Variants in MYBL2 observed in about 807,000 individuals in gnomAD.
MYBL2 encodes MYB proto-oncogene like 2, also known as myb-related protein B.
In MYBL2, 28 loss-of-function variants were observed where a neutral mutation model predicts 79.9. That is an observed-to-expected ratio of 0.35 (90% confidence interval 0.26 to 0.48). The LOEUF (loss-of-function observed/expected upper bound fraction) is 0.48. Among genes scored for constraint, MYBL2 ranks in the 20% least tolerant of loss-of-function variants. MYBL2 has a pLI of 0.99. For synonymous variants in MYBL2, 378 were observed against 361.2 expected (o/e 1.05, Z -0.53); for missense variants, 735 against 893.9 (o/e 0.82, Z 2.27).
At chr20:43,709,775 C>T (rs2145734072) in intron 9 of MYBL2, among the ~76,000 whole-genome samples, 188 bp from the exon 10 acceptor site, 1 of 152,340 alleles carries the variant, frequency 6.6e-6, no homozygotes, top group South Asian at 2.1e-4. Flanking sequence ...CCTGGCCCCT[C>T]TTAGACTCCC....
intron 2 of MYBL2, among the ~76,000 whole-genome samples, chr20:43,677,233 T>A (rs541106311): frequency 1.3e-5 from 2 of 152,212 alleles, no homozygotes; most frequent in Admixed American, 1.3e-4. Flanking sequence ...GATTTCTCTC[T>A]GGAATGGAGA....
chr20:43,673,738 T>C, intron 1 of MYBL2, 68 bp from the exon 2 acceptor site: 1 of 1,506,224 alleles, frequency 6.6e-7, no homozygotes, highest in Non-Finnish European at 9.2e-7. Flanking sequence ...GGCCGCTGCC[T>C]ACACGTTCTC....
Position 43,711,687 on chromosome 20 carries a change from G to A in MYBL2, c.1719+86G>A, listed in dbSNP as rs1295058527. 6 of 1,235,098 alleles carry A rather than the reference G, an allele frequency of 4.9e-6. No homozygotes were observed. The East Asian group carries it at 1.3e-4, about 26-fold the overall frequency. The allele number at this position is 1,235,098 out of a possible 1,614,324, so 76.5% of individuals were successfully genotyped here. On this transcript the variant is annotated intron_variant, in intron 11 of 13. Coordinates refer to ENST00000217026, the MANE Select transcript of MYBL2 (RefSeq NM_002466.4). ...GGCGTCTGGGGACAGGTTGTAGAAA[G>A]TGAGGCGCTGGGGAGAATGGGGGCG...
chr20:43,682,872 G>T lies in MYBL2; in HGVS notation c.265G>T (p.Glu89Ter). ...CCTTGTCAAGGGGCCATGGACCAAA[G>T]AGGAAGACCAAAAAGTAACTGCTGG... is the stretch of plus-strand genomic sequence containing the variant. ...PDLVKGPWTK[E>*]EDQKVIELVK... Residue 89 changes from glutamate (E) to a stop codon, truncating the protein, a stop_gained, in exon 4 of 14, where the codon GAG becomes TAG. Transcript: ENST00000217026. LOFTEE classifies it high-confidence loss of function. The T allele has an allele frequency of 3.1e-6, 5 of 1,613,970 alleles. No individual in the cohort carries two copies. Among genetic ancestry groups the T allele is most frequent in the Non-Finnish European group, 4.2e-6 (5 of 1,179,858 alleles).
intron 7 of MYBL2, among the ~76,000 whole-genome samples, chr20:43,701,008 ATG>A (rs1246763466): frequency 6.6e-6 from 1 of 152,140 alleles, no homozygotes; most frequent in Admixed American, 6.5e-5. Flanking sequence ...TTGCTACCTA[ATG>A]TGTAGGCTCT....
At chr20:43,692,073 C>T (rs1987424825) in intron 5 of MYBL2, 84 bp from the exon 6 acceptor site, 7 of 1,341,408 alleles carry the variant, frequency 5.2e-6, no homozygotes, top group Non-Finnish European at 3.1e-6. Flanking sequence ...GGAGCAGGAA[C>T]TTGGCTTAGG....
chr20:43,699,691 A>G (rs2145726730), intron 6 of MYBL2, 66 bp from the exon 7 acceptor site: 1 of 1,514,650 alleles, frequency 6.6e-7, no homozygotes, highest in East Asian at 2.3e-5. Flanking sequence ...TGTGTGGTTT[A>G]GCTGGAAACT....
At chr20:43,675,882 T>C (rs576363597) in intron 2 of MYBL2, among the ~76,000 whole-genome samples, 1 of 149,506 alleles carries the variant, frequency 6.7e-6, no homozygotes, top group African/African-American at 2.5e-5. Flanking sequence ...TTTTGTTACC[T>C]AGGTAATAAG....
At chr20:43,667,939 G>C (rs1986758889) in intron 1 of MYBL2, among the ~76,000 whole-genome samples, 1 of 152,168 alleles carries the variant, frequency 6.6e-6, no homozygotes, top group Non-Finnish European at 1.5e-5. Context: ...TGGGCAGCTG[G>C]GGTTGAAGGT....
Position 43,715,241 on chromosome 20 carries a change from A to C in MYBL2, c.1932A>C (p.Ala644=), listed in dbSNP as rs776370752. Residue 644 remains alanine, a synonymous_variant, in exon 13 of 14, where the codon GCA becomes GCC. Transcript: ENST00000217026. ...TGCAGGCCAAGCCCGAGAAGGCAGC[A>C]GTGGCCCAGAAGCCCCGAAGCCACT... is the stretch of plus-strand genomic sequence containing the variant. ...GFLQAKPEKA[A]VAQKPRSHFT... 2 of 1,614,262 alleles carry C rather than the reference A, an allele frequency of 1.2e-6. No homozygotes were observed.
intron 8 of MYBL2, among the ~76,000 whole-genome samples, chr20:43,704,208 G>A (rs917089619): frequency 6.6e-6 from 1 of 152,094 alleles, no homozygotes; most frequent in African/African-American, 2.4e-5. Flanking sequence ...TAGAGACAGG[G>A]TTTCTCCAGG....
At chr20:43,673,773 C>T (rs1986925719) in intron 1 of MYBL2, 33 bp from the exon 2 acceptor site, 2 of 1,567,158 alleles carry the variant, frequency 1.3e-6, no homozygotes, top group East Asian at 2.3e-5. Context: ...TATGGACACA[C>T]CATCCTTGAC....
At chr20:43,705,928 C>T (rs185838118) in intron 9 of MYBL2, among the ~76,000 whole-genome samples, 14 of 151,936 alleles carry the variant, frequency 9.2e-5, no homozygotes, top group African/African-American at 3.1e-4. Context: ...TGTCGATCTC[C>T]TGACCTCGTG....
intron 2 of MYBL2, among the ~76,000 whole-genome samples, chr20:43,680,084 G>A (rs1366223414): frequency 6.6e-6 from 1 of 152,110 alleles, no homozygotes; most frequent in East Asian, 1.9e-4. Context: ...ATGCTGCAGT[G>A]CAATGGCATG....
Position 43,713,034 on chromosome 20 carries a change from G to A in MYBL2, c.1752G>A (p.Lys584=), listed in dbSNP as rs1399046814. The A allele has an allele frequency of 4.3e-6, 7 of 1,613,056 alleles. No individual in the cohort carries two copies. In the African/African-American group the frequency reaches 9.3e-5, roughly 22 times the overall value. The change falls in exon 12 of 14, where the codon AAG becomes AAA. Residue 584 remains lysine (K), a synonymous_variant. Transcript: ENST00000217026. ...GGAGCCCCATCAAGAAAGTCCGGAAGTCTCTGGCTCTTGACATTGTGGATG... is the reference window on the plus strand; with the variant it reads ...GGAGCCCCATCAAGAAAGTCCGGAAATCTCTGGCTCTTGACATTGTGGATG... ...LRRSPIKKVR[K]SLALDIVDED...
chr20:43,715,367 T>C, intron 13 of MYBL2, 84 bp downstream of exon 13: 1 of 1,583,984 alleles, frequency 6.3e-7, no homozygotes, highest in Non-Finnish European at 8.6e-7. Context: ...CTGGGGGTCC[T>C]GCAGTGCCCG....
At position 43,702,608 on chromosome 20, in the gene MYBL2, C is replaced by T; in HGVS notation, c.1070C>T (p.Pro357Leu). 6.2e-7 allele frequency: 1 copy of T among 1,614,178 alleles called. No homozygotes were observed. The highest frequency in any genetic ancestry group is 8.5e-7 in the Non-Finnish European group (1 of 1,180,032). The part of the protein sequence containing the change: ...LQASHQQQVL[P>L]PRQPSALVPS... The stretch of plus-strand genomic sequence containing the variant: ...GCGTCACATCAGCAGCAAGTCCTGC[C>T]ACCCCGCCAGCCTTCCGCCCTGGTG... The change falls in exon 8 of 14, where the codon CCA (proline) becomes CTA (leucine). Residue 357 changes from proline (P) to leucine (L), a missense_variant. Physicochemically the swap from Pro to Leu is moderately conservative, Grantham distance 98. Transcript: ENST00000217026.
At chr20:43,680,052 A>G (rs1376779101) in intron 2 of MYBL2, among the ~76,000 whole-genome samples, 1 of 152,134 alleles carries the variant, frequency 6.6e-6, no homozygotes, top group East Asian at 1.9e-4. Flanking sequence ...TTTTTTCAAG[A>G]CAGAGTCTTG....
rs764302574 is a variant in MYBL2 at position 43,713,042 on chromosome 20, C to T, written c.1760C>T (p.Ala587Val). ...SPIKKVRKSLALDIVDEDVKL... is the reference protein window; with the variant it reads ...SPIKKVRKSLVLDIVDEDVKL... ...ATCAAGAAAGTCCGGAAGTCTCTGG[C>T]TCTTGACATTGTGGATGAGGATGTG... The change falls in exon 12 of 14, where the codon GCT (alanine) becomes GTT (valine). Residue 587 changes from alanine (A) to valine (V), a missense_variant. Physicochemically the swap from Ala to Val is moderately conservative, Grantham distance 64 (BLOSUM62 0). This residue lies in a region of MYBL2 where 204 missense variants were observed against 202.9 expected (regional missense o/e 1.01). Coordinates refer to ENST00000217026, the MANE Select transcript of MYBL2 (RefSeq NM_002466.4). 2.5e-6 allele frequency: 4 copies of T among 1,613,340 alleles called. No homozygotes were observed. Among genetic ancestry groups the T allele is most frequent in the East Asian group, 2.2e-5 (1 of 44,890 alleles).
Sources: allele counts gnomAD v4.1 joint callset (sites outside exome capture counted in the v4.1 genomes callset), GRCh38; gene constraint gnomAD v4.1.1; regional missense constraint gnomAD v4.1.1; transcripts MANE v1.5; gene names NCBI Gene and HGNC (gene_info 2026-07-23, HGNC 2026-07-21).